The following TAB3 variants were observed in gnomAD, a reference collection of about 807,000 sequenced individuals.
TAB3 encodes the protein TGF-beta activated kinase 1 (MAP3K7) binding protein 3.
A neutral mutation model predicts 48.1 loss-of-function variants in TAB3; 18 were observed. The observed-to-expected ratio is 0.37, with a 90% CI of 0.26 to 0.55. The LOEUF (loss-of-function observed/expected upper bound fraction) is 0.55, where lower values mean the gene tolerates loss of function less well. Among genes scored for constraint, TAB3 ranks in the 20% least tolerant of loss-of-function variants. TAB3 has a pLI of 0.78. For synonymous variants in TAB3, 185 were observed against 190.2 expected (o/e 0.97, Z 0.22); for missense variants, 414 against 549.8 (o/e 0.75, Z 2.47).
At chrX:30,869,064 A>AT (rs1292480074) in intron 2 of TAB3, among the ~76,000 whole-genome samples, 2,529 of 98,915 alleles carry the variant, frequency 0.026, 67 homozygotes, top group African/African-American at 0.082. Context: ...TCCACCCCAC[A>AT]TTTTTTTTTT....
chrX:30,877,816 G>A (rs1170556806), intron 1 of TAB3, among the ~76,000 whole-genome samples: 1 of 111,464 alleles, frequency 9.0e-6, no homozygotes, highest in Non-Finnish European at 1.9e-5. Flanking sequence ...TTTCAAAAAA[G>A]AATGATTATC....
intron 8 of TAB3, chrX:30,843,869 T>TG (rs1274705032): frequency 9.0e-6 from 1 of 111,714 alleles, no homozygotes; most frequent in Non-Finnish European, 1.9e-5. Flanking sequence ...CACTGTGCTC[T>TG]GCTTGTTCTA....
chrX:30,877,299 A>C (rs766366569), intron 1 of TAB3, among the ~76,000 whole-genome samples: 4 of 112,294 alleles, frequency 3.6e-5, no homozygotes, highest in Non-Finnish European at 5.6e-5. Flanking sequence ...AACAGAGTTC[A>C]TCTCCAGCAA....
At chrX:30,860,179 A>G (rs1255550988) in intron 4 of TAB3, among the ~76,000 whole-genome samples, 1 of 112,175 alleles carries the variant, frequency 8.9e-6, no homozygotes, top group Non-Finnish European at 1.9e-5. Context: ...ACATACCTAC[A>G]AAAATAGGGG....
chrX:30,869,068 T>C (rs1430799418), intron 2 of TAB3, among the ~76,000 whole-genome samples: 2 of 109,960 alleles, frequency 1.8e-5, no homozygotes, highest in South Asian at 3.9e-4. Flanking sequence ...CCCCACATTT[T>C]TTTTTTTTTT....
intron 9 of TAB3, chrX:30,835,437 A>C (rs1369171658): frequency 8.6e-6 from 1 of 116,009 alleles, no homozygotes; most frequent in East Asian, 2.8e-4. Context: ...TAACTCTTAC[A>C]ACCTTTGGAG....
intron 4 of TAB3, 73 bp from the exon 5 acceptor site, chrX:30,859,751 A>G (rs1939197499): frequency 2.3e-6 from 1 of 435,842 alleles, no homozygotes; most frequent in Admixed American, 4.1e-5. Flanking sequence ...GATCCTATAC[A>G]TCTCAGTAGT....
intron 1 of TAB3, among the ~76,000 whole-genome samples, chrX:30,887,822 T>C (rs976106646): frequency 8.9e-6 from 1 of 112,575 alleles, no homozygotes; most frequent in African/African-American, 3.2e-5. Flanking sequence ...GATTATGTTC[T>C]TTCAGATGTG....
chrX:30,883,065 C>G (rs1402355121), intron 1 of TAB3, among the ~76,000 whole-genome samples: 1 of 111,989 alleles, frequency 8.9e-6, no homozygotes, highest in Admixed American at 9.5e-5. Flanking sequence ...TCCATCAACA[C>G]AAGGCCTAAA....
chrX:30,868,517 T>TTA lies in TAB3; in HGVS notation c.-279-970_-279-969dup, dbSNP rs1202227511. ...TATAGCTTATATATATATATATAGC[T>TTA]TATATATATATATATATAGCTTATA... is the stretch of plus-strand genomic sequence containing the variant. On this transcript the variant is annotated intron_variant, in intron 2 of 10. Transcript: ENST00000288422. Among the ~76,000 whole-genome samples the TTA allele has an allele frequency of 1.4e-3, 4 of 2,804 alleles. 2 individuals carry two copies. Among genetic ancestry groups the TTA allele is most frequent in the Non-Finnish European group, 2.5e-3 (4 of 1,620 alleles). 2.4% of individuals were successfully genotyped at this position (2,804 alleles called of 115,157 possible).
At position 30,854,153 on chromosome X, in the gene TAB3, A is replaced by G. The variant is rs780518072; in HGVS notation, c.1512T>C (p.Ser504=). The G allele has an allele frequency of 2.5e-6, 3 of 1,206,420 alleles. No individual in the cohort carries two copies. Among genetic ancestry groups the G allele is most frequent in the African/African-American group, 3.5e-5 (2 of 57,323 alleles). Residue 504 remains serine, a synonymous_variant, in exon 6 of 11, where the codon AGT becomes AGC. Coordinates refer to ENST00000288422, the MANE Select transcript of TAB3 (RefSeq NM_152787.5). The part of the protein sequence containing the change: ...GEKGSHKYQR[S]SSSGSDDYAY... ...CATAGTCATCTGATCCAGAACTAGA[A>G]CTTCTCTGATATTTATGGCTTCCCT...
chrX:30,874,202 G>T (rs1939754644), intron 1 of TAB3, among the ~76,000 whole-genome samples: 1 of 111,492 alleles, frequency 9.0e-6, no homozygotes, highest in Admixed American at 9.5e-5. Context: ...AACAACAAAA[G>T]TTCAGGTGGA....
At chrX:30,882,850 C>T (rs1378519102) in intron 1 of TAB3, among the ~76,000 whole-genome samples, 1 of 111,702 alleles carries the variant, frequency 9.0e-6, no homozygotes, top group Non-Finnish European at 1.9e-5. Flanking sequence ...GACAAAGGTA[C>T]CAGGGTTATA....
At chrX:30,866,870 TAAAAAAAAA>T (rs77868699) in intron 4 of TAB3, among the ~76,000 whole-genome samples, 2 of 74,732 alleles carry the variant, frequency 2.7e-5, no homozygotes, top group African/African-American at 5.1e-5. Context: ...AAGGGGTGTT[TAAAAAAAAA>T]AAAAAAAAAA....
Position 30,849,995 on chromosome X carries a change from A to G in TAB3, c.1710+2783T>C, listed in dbSNP as rs758512400. Among the ~76,000 whole-genome samples the G allele has an allele frequency of 9.8e-5, 11 of 112,334 alleles. No individual in the cohort carries two copies. The East Asian group carries it at 3.1e-3, about 31-fold the overall frequency. ...AACTGCTTCACATATATTACCTCAT[A>G]TAATCCTAAGAAAAATCCCGTAAGA... is the stretch of plus-strand genomic sequence containing the variant. On this transcript the variant is annotated intron_variant, in intron 7 of 10. Transcript: ENST00000288422.
At chrX:30,837,595 A>G (rs1040564157) in intron 9 of TAB3, among the ~76,000 whole-genome samples, 1 of 112,046 alleles carries the variant, frequency 8.9e-6, no homozygotes, top group African/African-American at 3.2e-5. Flanking sequence ...ACCATCCTTC[A>G]TCAGATACAT....
In TAB3 at chrX:30,831,590, G is replaced by A; in HGVS notation, c.1991-15C>T. On this transcript the variant is annotated splice_polypyrimidine_tract_variant and intron_variant, in intron 10 of 10. Coordinates refer to ENST00000288422, the MANE Select transcript of TAB3 (RefSeq NM_152787.5). ...AGTTCGATGCTCTGAGGGAGGTTAG[G>A]ATTAAGGGGGAGGGGGAAGGTAAAT... 1 of 1,203,551 alleles carries A rather than the reference G, an allele frequency of 8.3e-7. No homozygotes were observed. The highest frequency in any genetic ancestry group is 1.1e-6 in the Non-Finnish European group (1 of 890,842).
At chrX:30,878,804 CAGTT>C (rs778656540) in intron 1 of TAB3, among the ~76,000 whole-genome samples, 13 of 111,581 alleles carry the variant, frequency 1.2e-4, no homozygotes, top group Admixed American at 1.9e-4. Flanking sequence ...AAAAAATACA[CAGTT>C]AGAAAATTCT....
intron 5 of TAB3, among the ~76,000 whole-genome samples, chrX:30,858,607 TACTG>T (rs982595432): frequency 3.6e-5 from 4 of 112,213 alleles, no homozygotes; most frequent in African/African-American, 6.5e-5. Context: ...TGAACATGAG[TACTG>T]ACTGTGTGTG....
Sources: allele counts gnomAD v4.1 joint callset (sites outside exome capture counted in the v4.1 genomes callset), GRCh38; gene constraint gnomAD v4.1.1; transcripts MANE v1.5; gene names NCBI Gene and HGNC (gene_info 2026-07-23, HGNC 2026-07-21).